CUX1: variants seen among roughly 807,000 people sequenced by gnomAD.
The protein encoded by CUX1 is cut like homeobox 1.
In CUX1, 31 loss-of-function variants were observed where a neutral mutation model predicts 158.8. That is an observed-to-expected ratio of 0.20 (90% CI 0.15 to 0.26). The LOEUF (loss-of-function observed/expected upper bound fraction) is 0.26. Among genes scored for constraint, CUX1 ranks in the 10% least tolerant of loss-of-function variants. The pLI, the probability that CUX1 is intolerant of heterozygous loss-of-function variation, is 1.00. For synonymous variants in CUX1, 879 were observed against 862.1 expected, an observed-to-expected ratio of 1.02 and a Z score of -0.34; for missense variants, 1,589 against 2,014.6, an observed-to-expected ratio of 0.79 and a Z score of 4.04.
Position 102,196,783 on chromosome 7 carries a change from C to G in CUX1, c.1372C>G (p.Gln458Glu), listed in dbSNP as rs782463962. 8.1e-6 allele frequency: 13 copies of G among 1,614,132 alleles called. No individual in the cohort carries two copies. The South Asian group carries it at 1.3e-4, about 16-fold the overall frequency. ...THQFSPAGLS[Q>E]DFFSSSLASP... is the part of the protein sequence containing the mutation. ...CCAGTTCTCACCAGCGGGGTTAAGT[C>G]AAGACTTTTTCAGCTCATCCCTGGC... is the stretch of plus-strand genomic sequence containing the variant. The change falls in exon 15 of 24, where the codon CAA (glutamine) becomes GAA (glutamate). Residue 458 changes from glutamine to glutamate, a missense_variant. By Grantham distance (29) the Gln-to-Glu change is conservative. Transcript: ENST00000292535.
chr7:102,178,419 C>T (rs1792632494), intron 10 of CUX1, 50 bp from the exon 11 acceptor site: 5 of 1,519,082 alleles, frequency 3.3e-6, no homozygotes, highest in Non-Finnish European at 4.5e-6. Flanking sequence ...TAGCCTCGAG[C>T]ACCCGCCTCA....
chr7:102,053,569 C>T (rs1287014730), intron 3 of CUX1, among the ~76,000 whole-genome samples: 1 of 152,078 alleles, frequency 6.6e-6, no homozygotes, highest in East Asian at 1.9e-4. Flanking sequence ...ACCCATTAAC[C>T]ATACCACCTT....
At chr7:102,214,022 C>CT (rs1554523906) in intron 20 of CUX1, among the ~76,000 whole-genome samples, 4 of 152,184 alleles carry the variant, frequency 2.6e-5, no homozygotes, top group African/African-American at 9.7e-5. Flanking sequence ...GTATTCCCAG[C>CT]TACTCGGGAG....
chr7:102,043,423 G>A (rs1032371377), intron 3 of CUX1, among the ~76,000 whole-genome samples: 2 of 149,506 alleles, frequency 1.3e-5, no homozygotes, highest in Non-Finnish European at 3.0e-5. Context: ...ATGATTACAA[G>A]ATTATTAACT....
At chr7:101,860,803 TTC>T (rs893781162) in intron 1 of CUX1, among the ~76,000 whole-genome samples, 26 of 135,282 alleles carry the variant, frequency 1.9e-4, no homozygotes, top group African/African-American at 7.1e-4. Flanking sequence ...CCCTCTCTTC[TTC>T]TCTCTTTCCT....
rs529371781 is a variant in CUX1 at position 102,196,262 on chromosome 7, G to A, written c.1223-372G>A. Reference sequence around the variant, plus strand: ...CGAATCCATTGGTCCTAAAATGTCAGTGTTTGCTGCTCCTCCGGCCGGGGC... The same window carrying A: ...CGAATCCATTGGTCCTAAAATGTCAATGTTTGCTGCTCCTCCGGCCGGGGC... On this transcript the variant is annotated intron_variant, in intron 14 of 23. Coordinates refer to ENST00000292535, the MANE Select transcript of CUX1 (RefSeq NM_181552.4). Among the ~76,000 whole-genome samples, 7 of 152,342 alleles carry A rather than the reference G, an allele frequency of 4.6e-5. No homozygotes were observed. The East Asian group carries it at 1.4e-3, about 29-fold the overall frequency.
intron 11 of CUX1, among the ~76,000 whole-genome samples, chr7:102,179,740 C>G (rs541620198): frequency 6.6e-6 from 1 of 152,258 alleles, no homozygotes; most frequent in African/African-American, 2.4e-5. Flanking sequence ...AGGGGAGACT[C>G]TCGGAGTTGT....
chr7:101,838,918 A>G (rs1411729226), intron 1 of CUX1, among the ~76,000 whole-genome samples: 1 of 152,182 alleles, frequency 6.6e-6, no homozygotes, highest in Non-Finnish European at 1.5e-5. Flanking sequence ...TTTATCTCTC[A>G]TAGTTCTGGA....
intron 20 of CUX1, chr7:102,281,720 C>A: frequency 4.3e-6 from 3 of 705,486 alleles, no homozygotes; most frequent in Non-Finnish European, 7.7e-6. Context: ...GAATAGGGGC[C>A]CCAGCTTCCT....
At chr7:102,193,055 CA>C in intron 12 of CUX1, among the ~76,000 whole-genome samples, 1 of 152,354 alleles carries the variant, frequency 6.6e-6, no homozygotes, top group African/African-American at 2.4e-5. Context: ...ACTCCTTCCC[CA>C]ACCTGGGGCT....
intron 3 of CUX1, among the ~76,000 whole-genome samples, chr7:102,057,242 C>G (rs909184632): frequency 2.6e-5 from 4 of 152,192 alleles, no homozygotes; most frequent in African/African-American, 9.7e-5. Context: ...TGACAGTGCA[C>G]CTGGTCAACA....
At chr7:101,989,004 T>A (rs368444435) in intron 2 of CUX1, among the ~76,000 whole-genome samples, 425 of 137,538 alleles carry the variant, frequency 3.1e-3, no homozygotes, top group Non-Finnish European at 4.5e-3. Context: ...AAAAAAAAAA[T>A]AATAATAATA....
intron 5 of CUX1, among the ~76,000 whole-genome samples, chr7:102,099,219 G>A (rs1415239049): frequency 2.9e-4 from 44 of 152,176 alleles, no homozygotes; most frequent in African/African-American, 1.0e-3. Context: ...GTGACAGGCA[G>A]CTGGGGAAGC....
At chr7:102,086,795 G>T (rs1391321196) in intron 4 of CUX1, among the ~76,000 whole-genome samples, 1 of 151,808 alleles carries the variant, frequency 6.6e-6, no homozygotes, top group Non-Finnish European at 1.5e-5. Context: ...GTCAGTTTTT[G>T]ATTTGCATAG....
At chr7:101,956,262 C>T (rs1341484524) in intron 2 of CUX1, among the ~76,000 whole-genome samples, 1 of 151,760 alleles carries the variant, frequency 6.6e-6, no homozygotes, top group East Asian at 1.9e-4. Context: ...AAATGAGAAT[C>T]GCAGTGCCTC....
In CUX1 at chr7:102,201,499, C is replaced by G; in HGVS notation, c.2202C>G (p.Ser734=). Residue 734 remains serine (S), a synonymous_variant, in exon 18 of 24, where the codon TCC becomes TCG. Transcript: ENST00000292535. This position sits in a 1 kb window ranked among gnomAD's most constrained non-coding sequence, Gnocchi z 5.0. ...CTGCCTTAAAGCAGGCACCACTGTCCCAGAGTGACATCACCATCCTCACCC... is the reference window on the plus strand; with the variant it reads ...CTGCCTTAAAGCAGGCACCACTGTCGCAGAGTGACATCACCATCCTCACCC... ...LDPALKQAPL[S]QSDITILTPK... 1 of 1,614,150 alleles carries G rather than the reference C, an allele frequency of 6.2e-7. No homozygotes were observed. Among genetic ancestry groups the G allele is most frequent in the African/African-American group, 1.3e-5 (1 of 75,042 alleles).
intron 8 of CUX1, among the ~76,000 whole-genome samples, chr7:102,141,789 ATTTTTTTTT>A (rs71123009): frequency 2.9e-5 from 3 of 102,578 alleles, no homozygotes; most frequent in South Asian, 6.9e-4. Context: ...CTCTCAGCTA[ATTTTTTTTT>A]TTTTTTTTTT....
intron 14 of CUX1, among the ~76,000 whole-genome samples, chr7:102,267,518 G>T (rs1442313906): frequency 6.6e-6 from 1 of 152,116 alleles, no homozygotes; most frequent in Admixed American, 6.6e-5. Context: ...TGGGTGACGA[G>T]TGAAACTCCG....
At chr7:102,223,554 A>G (rs1260845394) in intron 20 of CUX1, among the ~76,000 whole-genome samples, 7 of 152,214 alleles carry the variant, frequency 4.6e-5, no homozygotes, top group Non-Finnish European at 1.0e-4. Context: ...AATATGGTCA[A>G]TAGAAAAGAA....
Sources: allele counts gnomAD v4.1 joint callset (sites outside exome capture counted in the v4.1 genomes callset), GRCh38; gene constraint gnomAD v4.1.1; non-coding constraint Gnocchi (gnomAD v3.1); transcripts MANE v1.5; gene names NCBI Gene and HGNC (gene_info 2026-07-23, HGNC 2026-07-21).